UNC45B: variants seen among roughly 807,000 people sequenced by gnomAD.
The protein encoded by UNC45B is unc-45 myosin chaperone B.
A neutral mutation model predicts 98.7 loss-of-function variants in UNC45B; 78 were observed. The observed-to-expected ratio is 0.79, with a 90% CI of 0.66 to 0.95. UNC45B has a LOEUF of 0.95. Ranked by LOEUF, UNC45B falls within the 40% of genes least tolerant of loss-of-function variation. The pLI is 0.00. For synonymous variants in UNC45B, 462 were observed against 480.4 expected, an observed-to-expected ratio of 0.96 and a Z score of 0.50; for missense variants, 1,225 against 1,184.9, an observed-to-expected ratio of 1.03 and a Z score of -0.50.
At position 35,186,509 on chromosome 17, in the gene UNC45B, G is replaced by A; in HGVS notation, c.2740G>A (p.Glu914Lys). 6.2e-7 allele frequency: 1 copy of A among 1,614,222 alleles called. No individual in the cohort carries two copies. Among genetic ancestry groups the A allele is most frequent in the South Asian group, 1.1e-5 (1 of 91,074 alleles). The change falls in exon 20 of 20, where the codon GAA becomes AAA. Residue 914 changes from glutamate (E) to lysine (K), a missense_variant. Transcript: ENST00000394570. ...KKAEVVQTAR[E>K]CLIKCMDYGF... ...GGCAGAAGTGGTTCAGACAGCCCGA[G>A]AATGTCTCATCAAGTGCATGGATTA...
At chr17:35,149,864 C>T (rs556518244) in intron 3 of UNC45B, among the ~76,000 whole-genome samples, 184 bp from the exon 4 acceptor site, 1 of 152,328 alleles carries the variant, frequency 6.6e-6, no homozygotes, top group South Asian at 2.1e-4. Context: ...CACCTTGAAA[C>T]TCTGTGGATC....
chr17:35,180,506 A>G (rs553114966), intron 17 of UNC45B, 53 bp from the exon 18 acceptor site: 298 of 1,479,758 alleles, frequency 2.0e-4, no homozygotes, highest in South Asian at 1.3e-3. Context: ...GAAAACCCCT[A>G]TGGTCACGGC....
chr17:35,163,872 G>A, intron 8 of UNC45B, 123 bp from the exon 9 acceptor site: 1 of 1,146,204 alleles, frequency 8.7e-7, no homozygotes, highest in East Asian at 2.6e-5. Flanking sequence ...CATTCTGGAT[G>A]AACCACATGT....
intron 16 of UNC45B, 43 bp downstream of exon 16, chr17:35,177,173 C>G: frequency 1.3e-6 from 2 of 1,561,266 alleles, no homozygotes; most frequent in Non-Finnish European, 1.8e-6. Context: ...GGAGGGGTCT[C>G]CTTTGCTCCT....
In UNC45B at chr17:35,171,449, A is replaced by C. The variant is rs2092185968; in HGVS notation, c.1817A>C (p.Glu606Ala). ...AAGTTCTCCAAGCAGCATGTGCCCG[A>C]GGAACACCCCAAGGTAGGGTCAGGC... The part of the protein sequence containing the change: ...LAKFSKQHVP[E>A]EHPKDKKDFI... Residue 606 changes from glutamate (E) to alanine (A), a missense_variant, in exon 13 of 20, where the codon GAG becomes GCG. Coordinates refer to ENST00000394570, the MANE Select transcript of UNC45B (RefSeq NM_001267052.2). 3.1e-6 allele frequency: 5 copies of C among 1,614,122 alleles called. No homozygotes were observed. The highest frequency in any genetic ancestry group is 4.2e-6 in the Non-Finnish European group (5 of 1,179,988).
intron 9 of UNC45B, chr17:35,167,024 A>T (rs1219435191): frequency 6.6e-6 from 1 of 152,260 alleles, no homozygotes; most frequent in Non-Finnish European, 1.5e-5. Flanking sequence ...GTAGATGATA[A>T]TAGATTCTGA....
Position 35,152,918 on chromosome 17 carries a change from C to G in UNC45B, c.407C>G (p.Ser136Trp). The G allele has an allele frequency of 1.2e-6, 2 of 1,614,020 alleles. No homozygotes were observed. Among genetic ancestry groups the G allele is most frequent in the Non-Finnish European group, 1.7e-6 (2 of 1,179,986 alleles). Residue 136 changes from serine (S) to tryptophan (W), a missense_variant, in exon 5 of 20, where the codon TCG becomes TGG. Transcript: ENST00000394570. ...EKLRVQFSTDSRVQKMFEILL... is the reference protein window; with the variant it reads ...EKLRVQFSTDWRVQKMFEILL... ...CTCCGAGTGCAGTTCTCCACAGACT[C>G]GAGGGTACAGAAGATGTTTGAGATC...
At chr17:35,162,222 G>T (rs771026000) in intron 8 of UNC45B, among the ~76,000 whole-genome samples, 7 of 152,160 alleles carry the variant, frequency 4.6e-5, no homozygotes, top group Admixed American at 2.6e-4. Context: ...CAGAAGCACA[G>T]GTGGCAACTT....
At chr17:35,175,793 GAT>G (rs1306769396) in intron 14 of UNC45B, among the ~76,000 whole-genome samples, 173 bp from the exon 15 acceptor site, 1 of 152,190 alleles carries the variant, frequency 6.6e-6, no homozygotes, top group Non-Finnish European at 1.5e-5. Context: ...TTATTCCCAT[GAT>G]GTCATCTTCC....
chr17:35,155,731 G>T (rs899293367), intron 7 of UNC45B, among the ~76,000 whole-genome samples: 33 of 152,172 alleles, frequency 2.2e-4, no homozygotes, highest in African/African-American at 6.7e-4. Flanking sequence ...CATCATGCCT[G>T]CCTAATTTTT....
Position 35,154,700 on chromosome 17 carries a change from G to A in UNC45B, c.598G>A (p.Val200Met). The A allele has an allele frequency of 6.2e-7, 1 of 1,607,490 alleles. No homozygotes were observed. Among genetic ancestry groups the A allele is most frequent in the East Asian group, 2.2e-5 (1 of 44,736 alleles). ...TKKPELVLAA[V>M]RTLSGMCSGH... ...GAAGCCTGAGCTGGTGCTGGCTGCA[G>A]TGCGGACCCTGTCGGGCATGTGCAG... Residue 200 changes from valine to methionine, a missense_variant, in exon 6 of 20, where the codon GTG becomes ATG. Coordinates refer to ENST00000394570, the MANE Select transcript of UNC45B (RefSeq NM_001267052.2).
rs1264622145 is a variant in UNC45B, at chr17:35,150,031, C to T, written c.206-17C>T. On this transcript the variant is annotated splice_polypyrimidine_tract_variant and intron_variant, in intron 3 of 19. Transcript: ENST00000394570. ...TCTGGCTCCCTAAGGTCCTCATCCC[C>T]CGTCTCCCCTCGATAGCCATCGACA... 1.9e-6 allele frequency: 3 copies of T among 1,577,826 alleles called. 1 individual carries two copies. In the South Asian group the frequency reaches 3.5e-5, roughly 19 times the overall value.
chr17:35,155,954 C>T (rs2142538893), intron 7 of UNC45B, among the ~76,000 whole-genome samples: 1 of 152,274 alleles, frequency 6.6e-6, no homozygotes, highest in East Asian at 1.9e-4. Flanking sequence ...ACTCAAGCGT[C>T]TATTGGTGGG....
In UNC45B at chr17:35,148,279, G is replaced by A. The variant is rs756099949; in HGVS notation, c.16G>A (p.Ala6Thr). ...GTCCCAGCAGATGGCAGAGGTGGAA[G>A]CGGTACAGCTGAAGGAGGAAGGAAA... is the stretch of plus-strand genomic sequence containing the variant. MAEVE[A>T]VQLKEEGNRH... Residue 6 changes from alanine to threonine, a missense_variant, in exon 2 of 20, where the codon GCG (alanine) becomes ACG (threonine). Physicochemically the swap from Ala to Thr is moderately conservative, Grantham distance 58 (BLOSUM62 0). Transcript: ENST00000394570. The A allele has an allele frequency of 1.9e-6, 3 of 1,614,026 alleles. No homozygotes were observed. The highest frequency in any genetic ancestry group is 8.5e-7 in the Non-Finnish European group (1 of 1,180,014).
chr17:35,175,887 C>T (rs556684941), intron 14 of UNC45B, 81 bp from the exon 15 acceptor site: 270 of 1,387,758 alleles, frequency 1.9e-4, no homozygotes, highest in Non-Finnish European at 2.6e-4. Flanking sequence ...TCACTGGCTC[C>T]GACTGGCTGG....
Position 35,186,588 on chromosome 17 carries a change from G to T in UNC45B, c.*29G>T. On this transcript the variant is annotated 3_prime_UTR_variant, in exon 20 of 20. Transcript: ENST00000394570. ...GCGACCCTCAGGGATGCTGGGAGTG[G>T]TCCTGTACTGTGCAGAGTCCTGGGT... The T allele has an allele frequency of 1.2e-6, 2 of 1,610,906 alleles. No individual in the cohort carries two copies. The highest frequency in any genetic ancestry group is 1.7e-6 in the Non-Finnish European group (2 of 1,178,200).
In UNC45B at chr17:35,188,172, T is replaced by C. The variant is rs1201243791; in HGVS notation, c.*1613T>C. 6.6e-6 allele frequency: 1 copy of C among 152,242 alleles called. No homozygotes were observed. The highest frequency in any genetic ancestry group is 2.4e-5 in the African/African-American group (1 of 41,452). 9.4% of individuals were successfully genotyped at this position (152,242 alleles called of 1,614,324 possible). A position where few individuals can be genotyped will look rare whatever the true frequency, so the allele number is the denominator to read the frequency against. On this transcript the variant is annotated 3_prime_UTR_variant, in exon 20 of 20. Coordinates refer to ENST00000394570, the MANE Select transcript of UNC45B (RefSeq NM_001267052.2). ...TTTAACTAACTCTTGCATGGGCTTG[T>C]TTCACAGCAGGAAACTATATTCATC...
chr17:35,174,161 G>A lies in UNC45B; in HGVS notation c.1831-81G>A, dbSNP rs1597926924. 2.5e-6 allele frequency: 4 copies of A among 1,585,624 alleles called. No individual in the cohort carries two copies. The East Asian group carries it at 9.0e-5, about 36-fold the overall frequency. On this transcript the variant is annotated intron_variant, in intron 13 of 19. Coordinates refer to ENST00000394570, the MANE Select transcript of UNC45B (RefSeq NM_001267052.2). ...TTATTCAACCAACCCCAAGAATTCA[G>A]AAATGCACCATCTTTGGTTCCAATA...
At chr17:35,169,768 G>C in intron 10 of UNC45B, 69 bp from the exon 11 acceptor site, 4 of 1,396,742 alleles carry the variant, frequency 2.9e-6, no homozygotes, top group Non-Finnish European at 4.1e-6. Context: ...ACCTGTTTGA[G>C]CAAGGCTTCA....
Sources: allele counts gnomAD v4.1 joint callset (sites outside exome capture counted in the v4.1 genomes callset), GRCh38; gene constraint gnomAD v4.1.1; transcripts MANE v1.5; gene names NCBI Gene and HGNC (gene_info 2026-07-23, HGNC 2026-07-21).